The following LRTM3 variants were observed in gnomAD, a reference collection of about 807,000 sequenced individuals.
The protein encoded by LRTM3 is leucine-rich repeat transmembrane protein 3.
At chr13:102,739,464 C>G in the LRTM3 span, 1 of 1,550,534 alleles carries the variant, frequency 6.4e-7, no homozygotes, top group Non-Finnish European at 8.7e-7. Flanking sequence ...CCTGACTTAT[C>G]TTTACCTGCT....
chr13:102,737,930 A>G, the LRTM3 span: 10 of 1,548,678 alleles, frequency 6.5e-6, no homozygotes, highest in Non-Finnish European at 8.7e-6. Context: ...GTCTCCATCC[A>G]TTTTCCCTTG....
At chr13:102,742,955 C>A in the LRTM3 span, 1 of 1,544,466 alleles carries the variant, frequency 6.5e-7, no homozygotes, top group Non-Finnish European at 8.7e-7. Flanking sequence ...AACTTTGAGA[C>A]TTTCTTTTCC....
chr13:102,729,385 T>C, the LRTM3 span: 2 of 1,235,490 alleles, frequency 1.6e-6, no homozygotes, highest in East Asian at 2.7e-5. Context: ...TATATGATTG[T>C]ATTTTTCACA....
At chr13:102,736,632 C>T in the LRTM3 span, 1 of 1,550,946 alleles carries the variant, frequency 6.4e-7, no homozygotes, top group African/African-American at 1.4e-5. Flanking sequence ...CTCAGAAGTA[C>T]AACTATTTCC....
At chr13:102,735,714 C>T in the LRTM3 span, 2 of 1,550,902 alleles carry the variant, frequency 1.3e-6, no homozygotes, top group Non-Finnish European at 1.7e-6. Context: ...AATGTGTAAC[C>T]ATGCAGTGAC....
At chr13:102,748,358 C>A in the LRTM3 span, 73 of 1,551,020 alleles carry the variant, frequency 4.7e-5, no homozygotes, top group Non-Finnish European at 6.4e-5. Context: ...TTCTTCACTG[C>A]TTTTATGCAT....
chr13:102,745,510 C>G, the LRTM3 span: 4 of 1,550,788 alleles, frequency 2.6e-6, no homozygotes, highest in South Asian at 3.6e-5. Context: ...TTCTACGTTT[C>G]GGACCAGCAC....
the LRTM3 span, chr13:102,730,968 T>C: frequency 6.4e-7 from 1 of 1,551,446 alleles, no homozygotes; most frequent in Non-Finnish European, 8.7e-7. Flanking sequence ...TCATGAGCAC[T>C]GGTCATTGCA....
the LRTM3 span, chr13:102,738,392 CT>C: frequency 3.4e-5 from 53 of 1,550,654 alleles, no homozygotes; most frequent in Non-Finnish European, 4.6e-5. Flanking sequence ...TTTTTCTCTC[CT>C]TGTATCCAGT....
the LRTM3 span, chr13:102,747,014 T>C: frequency 6.4e-7 from 1 of 1,551,262 alleles, no homozygotes; most frequent in Admixed American, 2.0e-5. Context: ...TTTAATCTCC[T>C]TCTCTAGATG....
At chr13:102,758,987 GA>G in the LRTM3 span, 2 of 1,124,420 alleles carry the variant, frequency 1.8e-6, no homozygotes, top group Non-Finnish European at 2.5e-6. Flanking sequence ...CTTGATTTCA[GA>G]GGCCCTGAAA....
the LRTM3 span, chr13:102,733,727 C>T: frequency 5.2e-6 from 8 of 1,551,312 alleles, no homozygotes; most frequent in South Asian, 2.4e-5. Context: ...GTCCTCATCC[C>T]GTGAGTTTAA....
chr13:102,740,047 CA>C, the LRTM3 span: 1 of 1,550,206 alleles, frequency 6.5e-7, no homozygotes, highest in Non-Finnish European at 8.7e-7. Flanking sequence ...TACTTTCTTG[CA>C]AAATAGGCAT....
chr13:102,738,288 T>C, the LRTM3 span: 1 of 1,550,972 alleles, frequency 6.4e-7, no homozygotes, highest in Non-Finnish European at 8.7e-7. Flanking sequence ...TCACCCTTAC[T>C]GGCCACTCCA....
chr13:102,745,548 T>C, the LRTM3 span: 2 of 1,551,056 alleles, frequency 1.3e-6, no homozygotes, highest in East Asian at 2.4e-5. Flanking sequence ...ATGTATGAAA[T>C]TGATGGCTTC....
the LRTM3 span, chr13:102,743,242 C>G: frequency 6.4e-7 from 1 of 1,550,686 alleles, no homozygotes; most frequent in Non-Finnish European, 8.7e-7. Flanking sequence ...ACCTTGCTAT[C>G]CCTTCAGCTA....
chr13:102,741,204 AT>A, the LRTM3 span: 1 of 1,549,924 alleles, frequency 6.5e-7, no homozygotes. Context: ...TGTCTATTTG[AT>A]TTTAATGTAA....
At chr13:102,752,505 T>C in the LRTM3 span, among the ~76,000 whole-genome samples, 1 of 152,208 alleles carries the variant, frequency 6.6e-6, no homozygotes, top group Non-Finnish European at 1.5e-5. Flanking sequence ...CATTCTTCAG[T>C]TGACACAATG....
chr13:102,752,305 A>T, the LRTM3 span, among the ~76,000 whole-genome samples: 1 of 151,532 alleles, frequency 6.6e-6, no homozygotes, highest in African/African-American at 2.4e-5. Flanking sequence ...AATATTCATG[A>T]CTCCTCCTAC....
Sources: gnomAD v4.1 joint callset for allele counts (sites outside exome capture counted in the v4.1 genomes callset) on GRCh38, gnomAD v4.1.1 for gene constraint, MANE v1.5 for transcripts, NCBI Gene and HGNC (gene_info 2026-07-23, HGNC 2026-07-21) for gene names.